Variants in LRP12 observed in about 807,000 individuals in gnomAD.
The protein encoded by LRP12 is low-density lipoprotein receptor-related protein 12.
A neutral mutation model predicts 66.0 loss-of-function variants in LRP12; 14 were observed. That is an observed-to-expected ratio of 0.21 (90% CI 0.14 to 0.33). The LOEUF (loss-of-function observed/expected upper bound fraction) is 0.33, where lower values mean the gene tolerates loss of function less well. LRP12 is among the 10% of genes least tolerant of loss of function. The probability of loss-of-function intolerance (pLI) is 1.00; values close to 1 mark genes in which losing one functional copy is unlikely to be tolerated. For synonymous variants in LRP12, 357 were observed against 359.1 expected, an observed-to-expected ratio of 0.99 and a Z score of 0.07; for missense variants, 889 against 1,053.4, an observed-to-expected ratio of 0.84 and a Z score of 2.16.
chr8:104,566,829 CTGTT>C (rs1219476228), intron 1 of LRP12, among the ~76,000 whole-genome samples: 1 of 152,006 alleles, frequency 6.6e-6, no homozygotes, highest in Admixed American at 6.6e-5. Context: ...TTATAGATCA[CTGTT>C]TGATGTAAAT....
At chr8:104,560,917 T>A (rs1811897586) in intron 1 of LRP12, among the ~76,000 whole-genome samples, 1 of 152,166 alleles carries the variant, frequency 6.6e-6, no homozygotes, top group South Asian at 2.1e-4. Flanking sequence ...ACATCAGCTG[T>A]CCCGTAGAAG....
chr8:104,578,937 A>T (rs575752591), intron 1 of LRP12, among the ~76,000 whole-genome samples: 1 of 152,290 alleles, frequency 6.6e-6, no homozygotes, highest in African/African-American at 2.4e-5. Flanking sequence ...CAAAATAATA[A>T]GAGCCGTCTA....
intron 1 of LRP12, among the ~76,000 whole-genome samples, chr8:104,568,693 C>T (rs1457559590): frequency 6.6e-6 from 1 of 151,914 alleles, no homozygotes; most frequent in East Asian, 1.9e-4. Flanking sequence ...ACATCAGTAC[C>T]CATTAGGGAG....
chr8:104,514,545 T>TAAAA (rs565370904), intron 2 of LRP12, among the ~76,000 whole-genome samples: 5 of 128,754 alleles, frequency 3.9e-5, no homozygotes, highest in Admixed American at 8.0e-5. Context: ...CGTCTCTACT[T>TAAAA]AAAAAAAAAA....
At chr8:104,553,488 C>A (rs897070164) in intron 1 of LRP12, among the ~76,000 whole-genome samples, 1 of 152,054 alleles carries the variant, frequency 6.6e-6, no homozygotes, top group African/African-American at 2.4e-5. Context: ...ACTTCCCTGG[C>A]GACCTGTATG....
intron 1 of LRP12, among the ~76,000 whole-genome samples, chr8:104,573,507 ACTT>A (rs1278632589): frequency 2.0e-5 from 3 of 152,146 alleles, no homozygotes; most frequent in Non-Finnish European, 4.4e-5. Context: ...GAAGGGATCT[ACTT>A]CTTACAGGCT....
At chr8:104,491,607 A>C in intron 6 of LRP12, 68 bp from the exon 7 acceptor site, 5 of 899,606 alleles carry the variant, frequency 5.6e-6, no homozygotes, top group Non-Finnish European at 8.2e-6. Context: ...AAAAAAAAAC[A>C]CCCTTCTATT....
intron 1 of LRP12, among the ~76,000 whole-genome samples, chr8:104,535,249 GACT>G (rs951384949): frequency 2.6e-5 from 4 of 151,806 alleles, no homozygotes; most frequent in African/African-American, 9.7e-5. Flanking sequence ...CTGTAGTTTT[GACT>G]ACAATATGAG....
At chr8:104,503,428 A>G (rs1810861339) in intron 3 of LRP12, among the ~76,000 whole-genome samples, 1 of 146,000 alleles carries the variant, frequency 6.8e-6, no homozygotes, top group Non-Finnish European at 1.5e-5. Flanking sequence ...ACCCTATTTT[A>G]GTTTGCTAAT....
At chr8:104,567,060 A>G (rs1046879878) in intron 1 of LRP12, among the ~76,000 whole-genome samples, 1 of 152,144 alleles carries the variant, frequency 6.6e-6, no homozygotes. Flanking sequence ...CAGGAAAATT[A>G]AAGGTGTTTA....
At chr8:104,527,956 A>C (rs1811266685) in intron 2 of LRP12, among the ~76,000 whole-genome samples, 1 of 152,186 alleles carries the variant, frequency 6.6e-6, no homozygotes. Flanking sequence ...CCTTGGCACA[A>C]GGTCCTATCA....
intron 1 of LRP12, among the ~76,000 whole-genome samples, chr8:104,570,802 C>T (rs1251984829): frequency 6.6e-6 from 1 of 151,972 alleles, no homozygotes; most frequent in South Asian, 2.1e-4. Flanking sequence ...TTTTCCTTTG[C>T]CAATGGCACT....
rs566765339 is a variant in LRP12 at position 104,540,731 on chromosome 8, C to T, written c.80-8768G>A. Among the ~76,000 whole-genome samples, 5 of 151,928 alleles carry T rather than the reference C, an allele frequency of 3.3e-5. No individual in the cohort carries two copies. The East Asian group carries it at 9.7e-4, about 29-fold the overall frequency. On this transcript the variant is annotated intron_variant, in intron 1 of 6. Coordinates refer to ENST00000276654, the MANE Select transcript of LRP12 (RefSeq NM_013437.5). The stretch of plus-strand genomic sequence containing the variant: ...AAAGATACATTATAATTTTTAAACC[C>T]CATTCTTTTGTTGTTGTTGTTGAGA...
intron 1 of LRP12, among the ~76,000 whole-genome samples, chr8:104,539,282 T>C (rs1466923098): frequency 6.6e-6 from 1 of 152,212 alleles, no homozygotes; most frequent in Non-Finnish European, 1.5e-5. Context: ...GCATATTTGT[T>C]CTTTTAGAGA....
At chr8:104,492,700 G>T (rs1049438815) in intron 6 of LRP12, among the ~76,000 whole-genome samples, 1 of 152,046 alleles carries the variant, frequency 6.6e-6, no homozygotes, top group Non-Finnish European at 1.5e-5. Flanking sequence ...CATAATTTAT[G>T]ATAAGAAGCT....
At chr8:104,567,616 T>A (rs1053183908) in intron 1 of LRP12, among the ~76,000 whole-genome samples, 1 of 152,138 alleles carries the variant, frequency 6.6e-6, no homozygotes, top group Non-Finnish European at 1.5e-5. Flanking sequence ...CAAAAACTTA[T>A]TAGAGCTAGT....
chr8:104,514,586 G>A (rs1190067894), intron 2 of LRP12, among the ~76,000 whole-genome samples: 2 of 150,046 alleles, frequency 1.3e-5, no homozygotes, highest in Non-Finnish European at 3.0e-5. Context: ...GTGGTGGTGC[G>A]CACCTGTAGT....
At chr8:104,519,718 C>T (rs1007553227) in intron 2 of LRP12, among the ~76,000 whole-genome samples, 5 of 151,996 alleles carry the variant, frequency 3.3e-5, no homozygotes, top group Admixed American at 6.6e-5. Flanking sequence ...ATCACTCCCA[C>T]TTAGGACTCT....
At chr8:104,569,163 GAC>G (rs1384787489) in intron 1 of LRP12, among the ~76,000 whole-genome samples, 3 of 152,068 alleles carry the variant, frequency 2.0e-5, no homozygotes, top group African/African-American at 7.2e-5. Flanking sequence ...AAAGAAGCCA[GAC>G]ACAAAAGACC....
Sources: allele counts gnomAD v4.1 joint callset (sites outside exome capture counted in the v4.1 genomes callset), GRCh38; gene constraint gnomAD v4.1.1; transcripts MANE v1.5; gene names NCBI Gene and HGNC (gene_info 2026-07-23, HGNC 2026-07-21).